Variants in ALG13 observed in about 807,000 individuals in gnomAD.
ALG13 encodes UDP-N-acetylglucosamine transferase subunit ALG13.
Under a neutral mutation model 87.8 loss-of-function variants are expected in ALG13, and 11 were observed. The ratio of observed to expected loss-of-function variants is 0.13; its 90% confidence interval spans 0.08 to 0.21. ALG13 has a LOEUF of 0.21. ALG13 is among the 10% of genes least tolerant of loss of function. ALG13 has a pLI of 1.00. For missense variants in ALG13, 756 were observed against 866.1 expected, an observed-to-expected ratio of 0.87 and a Z score of 1.60; for synonymous variants, 320 against 306.3, an observed-to-expected ratio of 1.04 and a Z score of -0.47.
rs376287808 is a variant in ALG13 at position 111,744,910 on chromosome X, T to C, written c.2932+6T>C. On this transcript the variant is annotated splice_donor_region_variant and intron_variant, in intron 24 of 26. Transcript: ENST00000394780. ...CGGCAGTGATTTGCCTCAAGGTAAGTAGATTTTGAGACTTAGGTGAGGGAT... is the reference window on the plus strand; with the variant it reads ...CGGCAGTGATTTGCCTCAAGGTAAGCAGATTTTGAGACTTAGGTGAGGGAT... The C allele has an allele frequency of 2.5e-6, 3 of 1,184,893 alleles. No homozygotes were observed. The highest frequency in any genetic ancestry group is 1.8e-5 in the African/African-American group (1 of 56,324).
At chrX:111,687,044 A>G (rs926177305) in intron 3 of ALG13, among the ~76,000 whole-genome samples, 12 of 110,435 alleles carry the variant, frequency 1.1e-4, no homozygotes, top group African/African-American at 4.0e-4. Flanking sequence ...CTCAACCTCC[A>G]CCTCCCAGGT....
chrX:111,758,748 T>C (rs764185600), intron 26 of ALG13, among the ~76,000 whole-genome samples: 12 of 112,087 alleles, frequency 1.1e-4, no homozygotes, highest in East Asian at 2.8e-4. Context: ...CTACCACTTA[T>C]GTAGTTTGGG....
intron 23 of ALG13, among the ~76,000 whole-genome samples, chrX:111,741,769 C>T (rs1943757588): frequency 9.3e-6 from 1 of 107,065 alleles, no homozygotes; most frequent in Admixed American, 1.0e-4. Flanking sequence ...GCTGAGATCA[C>T]ATCATTGCAC....
intron 24 of ALG13, among the ~76,000 whole-genome samples, chrX:111,750,566 CCAA>C (rs922708946): frequency 4.5e-5 from 5 of 111,354 alleles, no homozygotes; most frequent in African/African-American, 6.5e-5. Context: ...CACCATTTTT[CCAA>C]CAACATGTTC....
chrX:111,750,879 G>C (rs1421945966), intron 24 of ALG13, among the ~76,000 whole-genome samples: 1 of 109,055 alleles, frequency 9.2e-6, no homozygotes, highest in Non-Finnish European at 1.9e-5. Flanking sequence ...ATGTTGGCCA[G>C]GCTGGTCTCG....
intron 23 of ALG13, among the ~76,000 whole-genome samples, chrX:111,739,242 A>G (rs1331899180): frequency 9.0e-6 from 1 of 111,493 alleles, no homozygotes; most frequent in African/African-American, 3.3e-5. Flanking sequence ...TTATAAAACT[A>G]TCAGATCTCA....
intron 21 of ALG13, among the ~76,000 whole-genome samples, chrX:111,732,420 G>A (rs1312042172): frequency 2.7e-5 from 3 of 112,183 alleles, no homozygotes; most frequent in East Asian, 2.8e-4. Context: ...AGTTCAATGC[G>A]AGTTGGCAGC....
Position 111,682,228 on chromosome X carries a change from G to A in ALG13, c.178G>A (p.Val60Ile). The A allele has an allele frequency of 8.3e-7, 1 of 1,200,274 alleles. No individual in the cohort carries two copies. Among genetic ancestry groups the A allele is most frequent in the Non-Finnish European group, 1.1e-6 (1 of 889,077 alleles). ...CAGTACTGAGTCGTTTACTCTGGAT[G>A]TTTACAGGTACAAGGATTCCTTGAA... ...PFSTESFTLD[V>I]YRYKDSLKED... The change falls in exon 2 of 27, where the codon GTT becomes ATT. Residue 60 changes from valine to isoleucine, a missense_variant. Physicochemically the swap from Val to Ile is conservative, Grantham distance 29. Transcript: ENST00000394780.
At chrX:111,682,391 T>C in intron 2 of ALG13, 97 bp downstream of exon 2, 1 of 727,217 alleles carries the variant, frequency 1.4e-6, no homozygotes, top group South Asian at 4.3e-5. Context: ...ATGTGCGGGC[T>C]TGTTACAAAG....
intron 4 of ALG13, 21 bp downstream of exon 4, chrX:111,708,414 C>T (rs753116944): frequency 1.7e-6 from 2 of 1,187,483 alleles, no homozygotes; most frequent in Non-Finnish European, 2.3e-6. Flanking sequence ...AACATATCTT[C>T]CCTGTACTGA....
At chrX:111,682,445 C>A in intron 2 of ALG13, 151 bp downstream of exon 2, 1 of 372,868 alleles carries the variant, frequency 2.7e-6, no homozygotes, top group South Asian at 1.1e-4. Flanking sequence ...GCCCAGCATC[C>A]ATTAGCTTTT....
intron 3 of ALG13, 142 bp downstream of exon 3, chrX:111,685,245 A>G (rs1934636166): frequency 6.2e-6 from 4 of 647,058 alleles, no homozygotes; most frequent in Non-Finnish European, 9.4e-6. Flanking sequence ...CAGCTGTAAA[A>G]TCCTCCCATT....
chrX:111,753,117 A>G (rs1025843860), intron 25 of ALG13: 9 of 199,617 alleles, frequency 4.5e-5, no homozygotes, highest in Admixed American at 1.5e-4. Context: ...TTACATGCTA[A>G]CTTTTCACTG....
chrX:111,728,486 G>C (rs1569519762), intron 19 of ALG13, among the ~76,000 whole-genome samples, 181 bp downstream of exon 19: 1 of 111,795 alleles, frequency 8.9e-6, no homozygotes, highest in Non-Finnish European at 1.9e-5. Context: ...TTTCTCAGAA[G>C]AGTAGACTTC....
At chrX:111,734,725 T>A (rs1379551708) in intron 21 of ALG13, among the ~76,000 whole-genome samples, 3 of 111,686 alleles carry the variant, frequency 2.7e-5, no homozygotes, top group Non-Finnish European at 5.6e-5. Context: ...CTTTTTTTTT[T>A]AAGCAAAACT....
At chrX:111,722,930 C>A in intron 13 of ALG13, 73 bp downstream of exon 13, 1 of 739,956 alleles carries the variant, frequency 1.4e-6, no homozygotes, top group Non-Finnish European at 2.0e-6. Flanking sequence ...TTGAACAAGA[C>A]TTATTTACAA....
At chrX:111,710,993 A>G (rs1435776221) in intron 5 of ALG13, 1 of 112,616 alleles carries the variant, frequency 8.9e-6, no homozygotes, top group Non-Finnish European at 1.9e-5. Flanking sequence ...CACAACACCC[A>G]GCCTGTATGT....
chrX:111,728,545 A>G (rs902097253), intron 19 of ALG13, among the ~76,000 whole-genome samples: 2 of 111,696 alleles, frequency 1.8e-5, no homozygotes, highest in African/African-American at 3.3e-5. Flanking sequence ...AGCTCTCTGC[A>G]TAGGTCTTTA....
chrX:111,721,576 T>A, intron 11 of ALG13, 27 bp from the exon 12 acceptor site: 1 of 925,957 alleles, frequency 1.1e-6, no homozygotes, highest in Non-Finnish European at 1.6e-6. Context: ...GGATTGTGAG[T>A]TTGTAGCATG....
Sources: gnomAD v4.1 joint callset for allele counts (sites outside exome capture counted in the v4.1 genomes callset) on GRCh38, gnomAD v4.1.1 for gene constraint, MANE v1.5 for transcripts, NCBI Gene and HGNC (gene_info 2026-07-23, HGNC 2026-07-21) for gene names.